NKAIN2: variants seen among roughly 807,000 people sequenced by gnomAD.
NKAIN2 encodes the protein sodium/potassium-transporting ATPase subunit beta-1-interacting protein 2.
NKAIN2 carries 14 observed loss-of-function variants against 32.6 expected under a neutral mutation model. That is an observed-to-expected ratio of 0.43 (90% confidence interval 0.28 to 0.67). The LOEUF (loss-of-function observed/expected upper bound fraction) is 0.67. NKAIN2 is among the 30% of genes least tolerant of loss of function. The pLI, the probability that NKAIN2 is intolerant of heterozygous loss-of-function variation, is 0.17. For synonymous variants in NKAIN2, 80 were observed against 87.2 expected, an observed-to-expected ratio of 0.92 and a Z score of 0.46; for missense variants, 198 against 258.3, an observed-to-expected ratio of 0.77 and a Z score of 1.60.
intron 1 of NKAIN2, among the ~76,000 whole-genome samples, chr6:124,221,395 G>A (rs1450768764): frequency 2.9e-5 from 4 of 137,264 alleles, no homozygotes; most frequent in African/African-American, 1.1e-4. Flanking sequence ...ATCACACTCT[G>A]GGGACTGTTG....
chr6:124,005,975 T>C (rs530155667), intron 1 of NKAIN2, among the ~76,000 whole-genome samples: 33 of 152,204 alleles, frequency 2.2e-4, no homozygotes, highest in Non-Finnish European at 3.8e-4. Context: ...TAACTAGTCC[T>C]CTGTCTCTGA....
chr6:124,231,654 A>T (rs1792467454), intron 1 of NKAIN2, among the ~76,000 whole-genome samples: 1 of 151,976 alleles, frequency 6.6e-6, no homozygotes, highest in South Asian at 2.1e-4. Flanking sequence ...TCCCTGCACA[A>T]GCTCTCTTTT....
intron 3 of NKAIN2, among the ~76,000 whole-genome samples, chr6:124,395,008 C>A (rs1773315975): frequency 6.6e-6 from 1 of 152,218 alleles, no homozygotes; most frequent in South Asian, 2.1e-4. Context: ...TCAGTCAGGT[C>A]TCTCTAATCT....
At chr6:124,432,019 A>C (rs1472074704) in intron 3 of NKAIN2, among the ~76,000 whole-genome samples, 5 of 152,318 alleles carry the variant, frequency 3.3e-5, no homozygotes, top group African/African-American at 1.2e-4. Flanking sequence ...TTTTAGAAAT[A>C]CACAAACTTT....
intron 3 of NKAIN2, among the ~76,000 whole-genome samples, chr6:124,599,948 T>A (rs1373684399): frequency 1.3e-5 from 2 of 152,110 alleles, no homozygotes; most frequent in African/African-American, 4.8e-5. Context: ...AAATAGCCTG[T>A]CAAGGGTCTG....
intron 1 of NKAIN2, among the ~76,000 whole-genome samples, chr6:124,277,562 T>C (rs368002056): frequency 1.2e-4 from 19 of 152,276 alleles, no homozygotes; most frequent in African/African-American, 4.3e-4. Flanking sequence ...ATCATTTCTT[T>C]GTTGATTCCT....
chr6:123,998,488 A>G (rs1344648810), intron 1 of NKAIN2, among the ~76,000 whole-genome samples: 1 of 152,138 alleles, frequency 6.6e-6, no homozygotes, highest in Non-Finnish European at 1.5e-5. Context: ...TTTGAAATCG[A>G]AAACCTGAAA....
chr6:123,860,414 G>T (rs987559196), intron 1 of NKAIN2, among the ~76,000 whole-genome samples: 1 of 152,086 alleles, frequency 6.6e-6, no homozygotes, highest in Non-Finnish European at 1.5e-5. Flanking sequence ...AATAGTGTAT[G>T]TATTATTATT....
intron 1 of NKAIN2, among the ~76,000 whole-genome samples, chr6:123,882,301 T>C (rs756534309): frequency 1.4e-4 from 22 of 152,146 alleles, no homozygotes; most frequent in Non-Finnish European, 2.9e-5. Context: ...GCTTTAGATA[T>C]AAGGTTGAAA....
intron 2 of NKAIN2, among the ~76,000 whole-genome samples, chr6:124,301,127 C>A (rs983382924): frequency 2.0e-5 from 3 of 152,116 alleles, no homozygotes; most frequent in African/African-American, 7.2e-5. Flanking sequence ...CTCCTGTGTG[C>A]CACCTAGGGA....
At chr6:124,340,087 T>G (rs1798056092) in intron 2 of NKAIN2, among the ~76,000 whole-genome samples, 1 of 152,104 alleles carries the variant, frequency 6.6e-6, no homozygotes. Context: ...AAACTGAGAC[T>G]TCCAAAACCA....
At chr6:124,124,189 G>A (rs989458934) in intron 1 of NKAIN2, among the ~76,000 whole-genome samples, 3 of 152,168 alleles carry the variant, frequency 2.0e-5, no homozygotes, top group African/African-American at 7.2e-5. Context: ...ACATTACACT[G>A]GAAAAGATGT....
intron 3 of NKAIN2, among the ~76,000 whole-genome samples, chr6:124,414,848 T>A (rs1354178452): frequency 6.6e-6 from 1 of 152,190 alleles, no homozygotes; most frequent in East Asian, 1.9e-4. Context: ...TACCCTCTTA[T>A]TTCTGATATT....
At chr6:124,410,852 C>G (rs28797319) in intron 3 of NKAIN2, among the ~76,000 whole-genome samples, 10,009 of 151,800 alleles carry the variant, frequency 0.066, 987 homozygotes, top group African/African-American at 0.21. Context: ...TCACTCGGGG[C>G]TTGCTTTATG....
intron 3 of NKAIN2, among the ~76,000 whole-genome samples, chr6:124,493,990 C>T (rs1025424572): frequency 6.6e-6 from 1 of 152,006 alleles, no homozygotes; most frequent in African/African-American, 2.4e-5. Context: ...AGCACTTTCT[C>T]AGGAAATTAT....
chr6:124,085,885 C>T (rs1272100295), intron 1 of NKAIN2, among the ~76,000 whole-genome samples: 4 of 151,810 alleles, frequency 2.6e-5, no homozygotes, highest in Admixed American at 6.6e-5. Context: ...CCTCCCATAT[C>T]TTCTACTTAA....
chr6:124,064,334 T>TA lies in NKAIN2; in HGVS notation c.55-218664dup, dbSNP rs1212018007. On this transcript the variant is annotated intron_variant, in intron 1 of 6. Transcript: ENST00000368417. Reference sequence around the variant, plus strand: ...ATTACAAAAATATTTGTGCTTTTGCTAAAAAAATGTGAAATTTTGTTTTGG... The same window carrying TA: ...ATTACAAAAATATTTGTGCTTTTGCTAAAAAAAATGTGAAATTTTGTTTTGG... 5.3e-5 allele frequency among the ~76,000 whole-genome samples: 8 copies of TA among 152,276 alleles called. No homozygotes were observed. In the South Asian group the frequency reaches 6.2e-4, roughly 12 times the overall value.
chr6:124,362,092 A>G (rs1161077997), intron 3 of NKAIN2, among the ~76,000 whole-genome samples: 1 of 152,084 alleles, frequency 6.6e-6, no homozygotes, highest in African/African-American at 2.4e-5. Context: ...TTACTATTAA[A>G]CAAAGACTAC....
chr6:123,929,759 C>T (rs1171167669), intron 1 of NKAIN2, among the ~76,000 whole-genome samples: 1 of 152,006 alleles, frequency 6.6e-6, no homozygotes, highest in East Asian at 1.9e-4. Flanking sequence ...ATCTGAAATG[C>T]TGGGGACCAG....
Sources: allele counts gnomAD v4.1 joint callset (sites outside exome capture counted in the v4.1 genomes callset), GRCh38; gene constraint gnomAD v4.1.1; transcripts MANE v1.5; gene names NCBI Gene and HGNC (gene_info 2026-07-23, HGNC 2026-07-21).